Variants in CELF4 observed in about 807,000 individuals in gnomAD.
The protein encoded by CELF4 is CUGBP Elav-like family member 4, also known as CUG-BP- and ETR-3-like factor 4.
In CELF4, 18 loss-of-function variants were observed where a neutral mutation model predicts 59.9. That is an observed-to-expected ratio of 0.30 (90% CI 0.21 to 0.45). The LOEUF is 0.45. Among genes scored for constraint, CELF4 ranks in the 20% least tolerant of loss-of-function variants. The pLI is 1.00. For synonymous variants in CELF4, 261 were observed against 267.1 expected (o/e 0.98, Z 0.22); for missense variants, 456 against 689.0 (o/e 0.66, Z 3.79).
chr18:37,274,205 G>T (rs540091544), intron 6 of CELF4, 106 bp downstream of exon 6: 5 of 1,531,748 alleles, frequency 3.3e-6, no homozygotes, highest in Non-Finnish European at 4.4e-6. Context: ...TCACTCTGGA[G>T]GGAGAGGGCA....
At chr18:37,511,408 A>T (rs2099944182) in intron 1 of CELF4, among the ~76,000 whole-genome samples, 1 of 152,036 alleles carries the variant, frequency 6.6e-6, no homozygotes, top group African/African-American at 2.4e-5. Context: ...TCAGCCCCAA[A>T]GTCCTTGGCA....
intron 2 of CELF4, among the ~76,000 whole-genome samples, chr18:37,333,205 C>T (rs947798460): frequency 6.6e-6 from 1 of 152,206 alleles, no homozygotes; most frequent in African/African-American, 2.4e-5. Context: ...GGCATATCCA[C>T]GTATCCCCTC....
intron 1 of CELF4, chr18:37,486,059 T>C (rs1569569619): frequency 6.5e-6 from 1 of 153,602 alleles, no homozygotes; most frequent in East Asian, 1.9e-4. Flanking sequence ...CCCTCAGGGA[T>C]GGTGGAGGGC....
chr18:37,425,526 A>G (rs1260495887), intron 2 of CELF4, among the ~76,000 whole-genome samples: 2 of 152,396 alleles, frequency 1.3e-5, no homozygotes, highest in Non-Finnish European at 2.9e-5. Context: ...CAAAGAATTC[A>G]TAATCAAATG....
chr18:37,549,646 T>C (rs1400426103), intron 1 of CELF4, among the ~76,000 whole-genome samples: 2 of 152,170 alleles, frequency 1.3e-5, no homozygotes, highest in South Asian at 2.1e-4. Flanking sequence ...CTGGTTGCAA[T>C]AGGGATAAAA....
chr18:37,283,247 C>T lies in CELF4; in HGVS notation c.449-8004G>A, dbSNP rs78433657. 9.2e-5 allele frequency among the ~76,000 whole-genome samples: 14 copies of T among 152,066 alleles called. No individual in the cohort carries two copies. In the East Asian group the frequency reaches 2.7e-3, roughly 30 times the overall value. ...TGAGGTTGGAGCCACCCAGGCATGACGGTCACCTTCTCGGTGCTGACACCC... is the reference window on the plus strand; with the variant it reads ...TGAGGTTGGAGCCACCCAGGCATGATGGTCACCTTCTCGGTGCTGACACCC... On this transcript the variant is annotated intron_variant, in intron 3 of 12. Coordinates refer to ENST00000420428, the MANE Select transcript of CELF4 (RefSeq NM_020180.4).
intron 3 of CELF4, among the ~76,000 whole-genome samples, chr18:37,294,873 C>T (rs1166797497): frequency 6.6e-6 from 1 of 152,214 alleles, no homozygotes; most frequent in Non-Finnish European, 1.5e-5. Flanking sequence ...CATTTATCAA[C>T]ATTTCCCATC....
intron 4 of CELF4, 25 bp downstream of exon 4, chr18:37,275,090 T>C (rs752219974): frequency 6.2e-7 from 1 of 1,609,246 alleles, no homozygotes; most frequent in South Asian, 1.1e-5. Flanking sequence ...CTCCGGGGCA[T>C]CCCTCCCGGC....
chr18:37,538,796 C>T (rs2099975597), intron 1 of CELF4, among the ~76,000 whole-genome samples: 1 of 152,146 alleles, frequency 6.6e-6, no homozygotes, highest in Non-Finnish European at 1.5e-5. Flanking sequence ...GTTCTCTCTC[C>T]CTCACTCAGC....
intron 2 of CELF4, chr18:37,473,435 A>T (rs367709940): frequency 6.6e-6 from 1 of 152,174 alleles, no homozygotes; most frequent in Non-Finnish European, 1.5e-5. Flanking sequence ...TCAATATTTA[A>T]GCCACACACA....
intron 2 of CELF4, among the ~76,000 whole-genome samples, chr18:37,385,112 T>C (rs370271243): frequency 8.5e-5 from 13 of 152,114 alleles, no homozygotes; most frequent in African/African-American, 3.1e-4. Context: ...TTTGGGAGGC[T>C]GAGGCGGGTG....
intron 3 of CELF4, among the ~76,000 whole-genome samples, chr18:37,299,266 G>T (rs1440362137): frequency 6.6e-6 from 1 of 152,198 alleles, no homozygotes; most frequent in Non-Finnish European, 1.5e-5. Context: ...CAGAAGGCAA[G>T]ACATTTGTGT....
chr18:37,332,671 G>T (rs2097583806), intron 2 of CELF4, among the ~76,000 whole-genome samples: 1 of 152,232 alleles, frequency 6.6e-6, no homozygotes, highest in Non-Finnish European at 1.5e-5. Context: ...GGTTTCCCAG[G>T]GGGAAGGAGG....
intron 2 of CELF4, among the ~76,000 whole-genome samples, chr18:37,405,170 C>T (rs2099370513): frequency 6.6e-6 from 1 of 152,102 alleles, no homozygotes; most frequent in Admixed American, 6.5e-5. Flanking sequence ...GACACTTCTT[C>T]CACGTTGTCA....
rs142641950 is a variant in CELF4, at chr18:37,387,792, A to G, written c.370-65911T>C. Reference sequence around the variant, plus strand: ...TGACCCTTTGCTCCTTCCAGCTGTAATCCCAGTAGATCTTGGTGCTGGCCC... The same window carrying G: ...TGACCCTTTGCTCCTTCCAGCTGTAGTCCCAGTAGATCTTGGTGCTGGCCC... On this transcript the variant is annotated intron_variant, in intron 2 of 12. Transcript: ENST00000420428. 1.0e-3 allele frequency among the ~76,000 whole-genome samples: 153 copies of G among 152,306 alleles called. 1 individual carries two copies. The highest frequency in any genetic ancestry group is 3.5e-3 in the African/African-American group (146 of 41,572).
At chr18:37,374,197 A>T (rs538709414) in intron 2 of CELF4, among the ~76,000 whole-genome samples, 1 of 152,242 alleles carries the variant, frequency 6.6e-6, no homozygotes, top group East Asian at 1.9e-4. Flanking sequence ...TCTCCACCTC[A>T]CCATGCACCC....
chr18:37,384,006 A>G (rs2099071267), intron 2 of CELF4, among the ~76,000 whole-genome samples: 1 of 152,158 alleles, frequency 6.6e-6, no homozygotes, highest in Non-Finnish European at 1.5e-5. Context: ...ACCCTGCTGC[A>G]CTGACGGCTC....
chr18:37,399,300 G>A (rs778558224), intron 2 of CELF4, among the ~76,000 whole-genome samples: 16 of 152,084 alleles, frequency 1.1e-4, no homozygotes, highest in Non-Finnish European at 2.9e-5. Context: ...GTGAGAGTGG[G>A]TTCCTGATAA....
At chr18:37,272,572 G>GAAAAAAAAAAAAAAAAAAAAAAAAA (rs397692958) in intron 7 of CELF4, among the ~76,000 whole-genome samples, 1 of 104,950 alleles carries the variant, frequency 9.5e-6, no homozygotes, top group Admixed American at 1.0e-4. Flanking sequence ...AAAGGGAAAT[G>GAAAAAAAAAAAAAAAAAAAAAAAAA]AAAAAAAAAA....
Sources: allele counts gnomAD v4.1 joint callset (sites outside exome capture counted in the v4.1 genomes callset), GRCh38; gene constraint gnomAD v4.1.1; transcripts MANE v1.5; gene names NCBI Gene and HGNC (gene_info 2026-07-23, HGNC 2026-07-21).